Variants in IPO8 observed in about 807,000 individuals in gnomAD.
The protein encoded by IPO8 is importin 8.
IPO8 carries 65 observed loss-of-function variants against 141.2 expected under a neutral mutation model. That is an observed-to-expected ratio of 0.46 (90% CI 0.38 to 0.57). The LOEUF is 0.57. Ranked by LOEUF, IPO8 falls within the 20% of genes least tolerant of loss-of-function variation. The pLI, the probability that IPO8 is intolerant of heterozygous loss-of-function variation, is 0.00. For missense variants in IPO8, 980 were observed against 1,246.8 expected (o/e 0.79, Z 3.22); for synonymous variants, 411 against 420.3 (o/e 0.98, Z 0.27).
Position 30,695,605 on chromosome 12 carries a change from C to T in IPO8, c.43G>A (p.Asp15Asn), listed in dbSNP as rs199922470. 5.0e-6 allele frequency: 8 copies of T among 1,614,010 alleles called. No homozygotes were observed. The highest frequency in any genetic ancestry group is 1.7e-5 in the Admixed American group (1 of 60,016). ...TCGGCTGCAATCCGCAACTTCGGGTCGATGGTGCCCTTCAGCGCCTGGATG... is the reference window on the plus strand; with the variant it reads ...TCGGCTGCAATCCGCAACTTCGGGTTGATGGTGCCCTTCAGCGCCTGGATG... ...RIIQALKGTIDPKLRIAAENE... is the reference protein window; with the variant it reads ...RIIQALKGTINPKLRIAAENE... Residue 15 changes from aspartate to asparagine, a missense_variant, in exon 1 of 25, where the codon GAC becomes AAC. Coordinates refer to ENST00000256079, the MANE Select transcript of IPO8 (RefSeq NM_006390.4). This position sits in a 1 kb window ranked among gnomAD's most constrained non-coding sequence, Gnocchi z 4.2.
rs1298519605 is a variant in IPO8 at position 30,684,330 on chromosome 12, T to C, written c.294A>G (p.Glu98=). 1 of 1,614,142 alleles carries C rather than the reference T, an allele frequency of 6.2e-7. No homozygotes were observed. The highest frequency in any genetic ancestry group is 8.5e-7 in the Non-Finnish European group (1 of 1,179,986). Residue 98 remains glutamate, a synonymous_variant, in exon 3 of 25, where the codon GAA becomes GAG. Transcript: ENST00000256079. ...CTAAATCTGGAGACCGAATTATTCC[T>C]TCCACAATGTTATCACGTATTTGCT... is the stretch of plus-strand genomic sequence containing the variant. The part of the protein sequence containing the change: ...DRQQIRDNIV[E]GIIRSPDLVR...
chr12:30,663,951 T>C (rs3816169), intron 13 of IPO8, among the ~76,000 whole-genome samples: 83,163 of 152,086 alleles, frequency 0.55, 23,347 homozygotes, highest in African/African-American at 0.67. Flanking sequence ...TAACTCATAA[T>C]TAATTTGTTA....
At chr12:30,660,589 T>C (rs1303327101) in intron 16 of IPO8, among the ~76,000 whole-genome samples, 1 of 152,232 alleles carries the variant, frequency 6.6e-6, no homozygotes, top group Non-Finnish European at 1.5e-5. Flanking sequence ...TATCAGCTGA[T>C]GGATGTGAAA....
chr12:30,670,858 G>GCA, intron 9 of IPO8, 104 bp downstream of exon 9: 1 of 869,264 alleles, frequency 1.2e-6, no homozygotes, highest in Non-Finnish European at 1.7e-6. Flanking sequence ...ATGGTAAAAT[G>GCA]TATATATATA....
In IPO8 at chr12:30,665,215, C is replaced by T. The variant is rs2136152576; in HGVS notation, c.1428+5G>A. 1 of 1,451,980 alleles carries T rather than the reference C, an allele frequency of 6.9e-7. No individual in the cohort carries two copies. Among genetic ancestry groups the T allele is most frequent in the Non-Finnish European group, 9.5e-7 (1 of 1,048,552 alleles). 89.9% of individuals were successfully genotyped at this position (1,451,980 alleles called of 1,614,324 possible). ...AGATACATAACAGAAATATGAAAAACTTACTCTAGCTCGAAGATATCCCAG... is the reference window on the plus strand; with the variant it reads ...AGATACATAACAGAAATATGAAAAATTTACTCTAGCTCGAAGATATCCCAG... On this transcript the variant is annotated splice_donor_5th_base_variant and intron_variant, in intron 13 of 24. Coordinates refer to ENST00000256079, the MANE Select transcript of IPO8 (RefSeq NM_006390.4).
chr12:30,657,368 A>G (rs1032016757), intron 16 of IPO8, among the ~76,000 whole-genome samples: 8 of 152,126 alleles, frequency 5.3e-5, no homozygotes, highest in African/African-American at 1.7e-4. Flanking sequence ...AACATTAACA[A>G]TTTTCACCTA....
At chr12:30,675,664 A>G (rs951164802) in intron 6 of IPO8, among the ~76,000 whole-genome samples, 16 of 141,906 alleles carry the variant, frequency 1.1e-4, no homozygotes, top group African/African-American at 1.3e-4. Flanking sequence ...TGTCTCTACT[A>G]AAAAAAAAAA....
intron 22 of IPO8, 46 bp from the exon 23 acceptor site, chr12:30,634,332 C>T (rs1332637996): frequency 6.7e-7 from 1 of 1,500,930 alleles, no homozygotes; most frequent in African/African-American, 1.4e-5. Context: ...CACATAAGGA[C>T]AAAATATAAA....
At chr12:30,664,143 T>C (rs901511375) in intron 13 of IPO8, among the ~76,000 whole-genome samples, 2 of 152,198 alleles carry the variant, frequency 1.3e-5, no homozygotes, top group South Asian at 2.1e-4. Flanking sequence ...ATCATTATTA[T>C]ATTTTACTCT....
chr12:30,649,593 C>T (rs148316478), intron 19 of IPO8, among the ~76,000 whole-genome samples: 1 of 152,094 alleles, frequency 6.6e-6, no homozygotes, highest in African/African-American at 2.4e-5. Context: ...CCTTTTGAAT[C>T]CTGGTCCATA....
chr12:30,694,016 TA>T, intron 1 of IPO8, among the ~76,000 whole-genome samples: 1 of 152,284 alleles, frequency 6.6e-6, no homozygotes, highest in Non-Finnish European at 1.5e-5. Context: ...CAACTGTACT[TA>T]TATACTGATG....
At chr12:30,648,224 T>C (rs916653111) in intron 20 of IPO8, among the ~76,000 whole-genome samples, 3 of 152,186 alleles carry the variant, frequency 2.0e-5, no homozygotes, top group Admixed American at 2.0e-4. Flanking sequence ...AACTATACAA[T>C]GAAATATTAT....
chr12:30,689,334 T>G (rs928967823), intron 2 of IPO8, among the ~76,000 whole-genome samples: 4 of 152,166 alleles, frequency 2.6e-5, no homozygotes, highest in Non-Finnish European at 4.4e-5. Context: ...CTATAAACAC[T>G]TAGGTTTTTA....
intron 16 of IPO8, among the ~76,000 whole-genome samples, chr12:30,659,178 C>T (rs971582160): frequency 2.0e-5 from 3 of 152,150 alleles, no homozygotes; most frequent in Non-Finnish European, 4.4e-5. Context: ...CCGCGCCGGG[C>T]CTTATCAAGC....
chr12:30,643,991 A>C (rs899667126), intron 20 of IPO8, among the ~76,000 whole-genome samples: 8 of 152,150 alleles, frequency 5.3e-5, no homozygotes, highest in African/African-American at 1.9e-4. Flanking sequence ...CTACCTTCTT[A>C]TTTTGTTAAC....
chr12:30,674,147 T>C, intron 7 of IPO8, 73 bp from the exon 8 acceptor site: 1 of 947,652 alleles, frequency 1.1e-6, no homozygotes, highest in Non-Finnish European at 1.6e-6. Flanking sequence ...AATTTAAATA[T>C]AGTCGCTTAT....
intron 20 of IPO8, among the ~76,000 whole-genome samples, chr12:30,645,043 C>A (rs1054803387): frequency 6.6e-6 from 1 of 151,886 alleles, no homozygotes; most frequent in Non-Finnish European, 1.5e-5. Flanking sequence ...GAGACAATAT[C>A]TCAAAGATAA....
chr12:30,639,876 T>C (rs2052553811), intron 20 of IPO8, 141 bp from the exon 21 acceptor site: 1 of 630,254 alleles, frequency 1.6e-6, no homozygotes, highest in African/African-American at 1.8e-5. Context: ...TTAGAGGTAT[T>C]TAAAAGATTT....
intron 20 of IPO8, among the ~76,000 whole-genome samples, chr12:30,642,175 C>A (rs1412851920): frequency 6.6e-6 from 1 of 151,866 alleles, no homozygotes; most frequent in Admixed American, 6.5e-5. Context: ...CCACTCCAGC[C>A]TGGGGTACAA....
Sources: allele counts gnomAD v4.1 joint callset (sites outside exome capture counted in the v4.1 genomes callset), GRCh38; gene constraint gnomAD v4.1.1; non-coding constraint Gnocchi (gnomAD v3.1); transcripts MANE v1.5; gene names NCBI Gene and HGNC (gene_info 2026-07-23, HGNC 2026-07-21).